The following ITPR2 variants were observed in gnomAD, a reference collection of about 807,000 sequenced individuals.
The protein encoded by ITPR2 is inositol 1,4,5-trisphosphate receptor type 2.
ITPR2 carries 207 observed loss-of-function variants against 317.1 expected under a neutral mutation model. The observed-to-expected ratio is 0.65, with a 90% CI of 0.58 to 0.73. ITPR2 has a LOEUF of 0.73. Ranked by LOEUF, ITPR2 falls within the 30% of genes least tolerant of loss-of-function variation. ITPR2 has a pLI of 0.00. For missense variants in ITPR2, 2,613 were observed against 3,284.0 expected (o/e 0.80, Z 4.99); for synonymous variants, 1,156 against 1,149.1 (o/e 1.01, Z -0.12).
At chr12:26,511,338 C>T (rs1334666141) in intron 37 of ITPR2, among the ~76,000 whole-genome samples, 1 of 152,206 alleles carries the variant, frequency 6.6e-6, no homozygotes, top group Non-Finnish European at 1.5e-5. Context: ...TCCCCTAGCC[C>T]AGTTTGTGCC....
chr12:26,383,670 G>A (rs1268978188), intron 55 of ITPR2, among the ~76,000 whole-genome samples: 2 of 116,134 alleles, frequency 1.7e-5, no homozygotes, highest in East Asian at 6.3e-4. Flanking sequence ...TTTTTTTTTG[G>A]TATTTTTAAT....
At chr12:26,583,855 A>T (rs182893083) in intron 32 of ITPR2, among the ~76,000 whole-genome samples, 1 of 152,286 alleles carries the variant, frequency 6.6e-6, no homozygotes, top group East Asian at 1.9e-4. Flanking sequence ...CACAACTTGA[A>T]ACAACCAAGT....
chr12:26,483,646 TC>T, intron 42 of ITPR2, 51 bp downstream of exon 42: 1 of 1,335,096 alleles, frequency 7.5e-7, no homozygotes, highest in Non-Finnish European at 1.1e-6. Context: ...AAAGATTGGC[TC>T]CTTCCCCAAA....
At chr12:26,718,599 GTA>G (rs535897969) in intron 5 of ITPR2, among the ~76,000 whole-genome samples, 2 of 149,696 alleles carry the variant, frequency 1.3e-5, no homozygotes, top group African/African-American at 2.5e-5. Context: ...ATGTGTGTGT[GTA>G]TATATATATA....
At chr12:26,661,513 G>A (rs1334435444) in intron 15 of ITPR2, among the ~76,000 whole-genome samples, 2 of 152,056 alleles carry the variant, frequency 1.3e-5, no homozygotes, top group African/African-American at 4.8e-5. Flanking sequence ...CCATCCCAAA[G>A]CACAGGGCTA....
intron 1 of ITPR2, among the ~76,000 whole-genome samples, chr12:26,823,206 C>A (rs571253764): frequency 6.6e-6 from 1 of 152,086 alleles, no homozygotes; most frequent in African/African-American, 2.4e-5. Context: ...TTACTCAATG[C>A]CAGTGTTACC....
chr12:26,605,990 C>G (rs1381149348), intron 26 of ITPR2, among the ~76,000 whole-genome samples: 1 of 152,162 alleles, frequency 6.6e-6, no homozygotes, highest in Admixed American at 6.5e-5. Context: ...AATAAAGGTG[C>G]TCCAAAAGTT....
intron 21 of ITPR2, among the ~76,000 whole-genome samples, chr12:26,638,491 C>A (rs562696021): frequency 1.3e-5 from 2 of 152,158 alleles, no homozygotes; most frequent in Admixed American, 1.3e-4. Context: ...CCCAGCCCCA[C>A]GACCAAAGGC....
intron 21 of ITPR2, among the ~76,000 whole-genome samples, chr12:26,635,376 C>G (rs10771291): frequency 0.17 from 26,374 of 152,040 alleles, 3,576 homozygotes; most frequent in East Asian, 0.55. Flanking sequence ...ATTAGAAATG[C>G]TTTTCTCTTA....
chr12:26,811,848 C>A (rs189337147), intron 1 of ITPR2, among the ~76,000 whole-genome samples: 2 of 128,976 alleles, frequency 1.6e-5, no homozygotes, highest in Admixed American at 8.0e-5. Flanking sequence ...AGCAAGACTC[C>A]GTCTGAAAAA....
chr12:26,424,620 C>T (rs1481672033), intron 49 of ITPR2, among the ~76,000 whole-genome samples: 4 of 103,552 alleles, frequency 3.9e-5, no homozygotes, highest in Non-Finnish European at 7.3e-5. Flanking sequence ...GATGGAGTCT[C>T]GCTCTGTCAC....
At chr12:26,567,982 A>ATATATATATAT (rs1565609563) in intron 34 of ITPR2, among the ~76,000 whole-genome samples, 3 of 11,486 alleles carry the variant, frequency 2.6e-4, no homozygotes, top group East Asian at 1.1e-3. Context: ...TATATATTAT[A>ATATATATATAT]TATATATATA....
At chr12:26,388,126 C>A (rs1161196095) in intron 54 of ITPR2, among the ~76,000 whole-genome samples, 1 of 152,178 alleles carries the variant, frequency 6.6e-6, no homozygotes, top group African/African-American at 2.4e-5. Context: ...ACTATGCCAG[C>A]CCTCTAGGGT....
chr12:26,538,563 T>C lies in ITPR2; in HGVS notation c.5073+11684A>G, dbSNP rs369503466. On this transcript the variant is annotated intron_variant, in intron 37 of 56. Coordinates refer to ENST00000381340, the MANE Select transcript of ITPR2 (RefSeq NM_002223.4). The stretch of plus-strand genomic sequence containing the variant: ...CTGCCATTTACAAAGCCTGTGATTT[T>C]TTTTTCTTTTTTTCTTTTTTTCTTT... 1.3e-4 allele frequency among the ~76,000 whole-genome samples: 17 copies of C among 135,450 alleles called. 1 individual carries two copies. Among genetic ancestry groups the C allele is most frequent in the African/African-American group, 5.1e-4 (17 of 33,124 alleles). The allele number at this position is 135,450 out of a possible 152,430, so 88.9% of individuals were successfully genotyped here. A position where few individuals can be genotyped will look rare whatever the true frequency, so the allele number is the denominator to read the frequency against.
At chr12:26,431,694 T>C (rs1941212766) in intron 48 of ITPR2, among the ~76,000 whole-genome samples, 1 of 152,222 alleles carries the variant, frequency 6.6e-6, no homozygotes, top group South Asian at 2.1e-4. Context: ...CATTTAGTCA[T>C]TGTACCCCAC....
At chr12:26,696,487 T>C (rs1423572477) in intron 9 of ITPR2, among the ~76,000 whole-genome samples, 1 of 152,128 alleles carries the variant, frequency 6.6e-6, no homozygotes, top group Non-Finnish European at 1.5e-5. Flanking sequence ...ATACCACTTA[T>C]CTAGCAGCTC....
intron 37 of ITPR2, among the ~76,000 whole-genome samples, chr12:26,539,449 TTTTCTTTTTGAAAACCTACATGG>T: frequency 6.6e-6 from 1 of 152,160 alleles, no homozygotes; most frequent in East Asian, 1.9e-4. Flanking sequence ...CCTACATGGT[TTTTCTTTTTGAAAACCTACATGG>T]TTTCTTTTTG....
rs373588750 is a variant in ITPR2 at position 26,455,229 on chromosome 12, G to A, written c.6343-11579C>T. Among the ~76,000 whole-genome samples the A allele has an allele frequency of 5.3e-5, 8 of 150,404 alleles. 1 individual carries two copies. The highest frequency in any genetic ancestry group is 9.8e-5 in the African/African-American group (4 of 40,796). On this transcript the variant is annotated intron_variant, in intron 45 of 56. Transcript: ENST00000381340. ...GATAATTTTCAGGAACTTTAAGCTC[G>A]ATTGCTTGAAAGCATTTCAACTTCA...
rs74979900 is a variant in ITPR2 at position 26,565,844 on chromosome 12, G to C, written c.4631-3892C>G. Among the ~76,000 whole-genome samples, 76 of 100,334 alleles carry C rather than the reference G, an allele frequency of 7.6e-4. No homozygotes were observed. In the East Asian group the frequency reaches 0.018, roughly 23 times the overall value. The allele number at this position is 100,334 out of a possible 152,430, so 65.8% of individuals were successfully genotyped here. On this transcript the variant is annotated intron_variant, in intron 34 of 56. Coordinates refer to ENST00000381340, the MANE Select transcript of ITPR2 (RefSeq NM_002223.4). ...AAAGAAGAGAGGAGAGGAGAGTAGAGAGGAGAGGAGAGGAGAGGGGAGGGG... is the reference window on the plus strand; with the variant it reads ...AAAGAAGAGAGGAGAGGAGAGTAGACAGGAGAGGAGAGGAGAGGGGAGGGG...
Sources: gnomAD v4.1 joint callset for allele counts (sites outside exome capture counted in the v4.1 genomes callset) on GRCh38, gnomAD v4.1.1 for gene constraint, MANE v1.5 for transcripts, NCBI Gene and HGNC (gene_info 2026-07-23, HGNC 2026-07-21) for gene names.